PSD3: variants seen among roughly 807,000 people sequenced by gnomAD.
PSD3 encodes the protein PH and SEC7 domain-containing protein 3.
PSD3 carries 49 observed loss-of-function variants against 105.5 expected under a neutral mutation model. The ratio of observed to expected loss-of-function variants is 0.46; its 90% CI spans 0.37 to 0.59. PSD3 has a LOEUF of 0.59. Ranked by LOEUF, PSD3 falls within the 20% of genes least tolerant of loss-of-function variation. The pLI, the probability that PSD3 is intolerant of heterozygous loss-of-function variation, is 0.00. For missense variants in PSD3, 1,561 were observed against 1,263.8 expected, an observed-to-expected ratio of 1.24 and a Z score of -3.57; for synonymous variants, 557 against 457.8, an observed-to-expected ratio of 1.22 and a Z score of -2.77.
rs71218923 is a variant in PSD3, at chr8:19,073,798, C to CT, written c.324+10407dup. On this transcript the variant is annotated intron_variant, in intron 1 of 1. Transcript: ENST00000521475. ...ATCAGAATTGTGTTTTTTTCTTTTT[C>CT]TTTTTTTTTTGAGACAGAATCTCGC... Among the ~76,000 whole-genome samples, 95 of 145,392 alleles carry CT rather than the reference C, an allele frequency of 6.5e-4. 1 individual carries two copies. Among genetic ancestry groups the CT allele is most frequent in the Admixed American group, 1.2e-3 (17 of 14,608 alleles).
intron 4 of PSD3, among the ~76,000 whole-genome samples, chr8:18,831,419 C>A (rs1262440004): frequency 6.6e-6 from 1 of 152,090 alleles, no homozygotes; most frequent in African/African-American, 2.4e-5. Context: ...CAAGGTCAAC[C>A]CTCAGTTCAA....
At chr8:18,746,447 C>T (rs1420062854) in intron 9 of PSD3, among the ~76,000 whole-genome samples, 1 of 152,126 alleles carries the variant, frequency 6.6e-6, no homozygotes, top group Non-Finnish European at 1.5e-5. Flanking sequence ...TCGGAAACAC[C>T]AAACAAAGGT....
intron 10 of PSD3, among the ~76,000 whole-genome samples, chr8:18,634,550 A>G (rs1475827262): frequency 6.6e-6 from 1 of 152,146 alleles, no homozygotes; most frequent in Non-Finnish European, 1.5e-5. Context: ...GATCCTATCC[A>G]TGATCCCACA....
chr8:18,894,013 C>T (rs6998438), intron 2 of PSD3, among the ~76,000 whole-genome samples: 7,291 of 152,250 alleles, frequency 0.048, 211 homozygotes, highest in South Asian at 0.083. Flanking sequence ...CACACCGGTG[C>T]GGTGGCAAAT....
intron 15 of PSD3, among the ~76,000 whole-genome samples, chr8:18,555,951 C>T (rs962355886): frequency 1.3e-5 from 2 of 152,136 alleles, no homozygotes; most frequent in Non-Finnish European, 2.9e-5. Context: ...CCCCTCACAG[C>T]GGGCGCACAC....
intron 10 of PSD3, among the ~76,000 whole-genome samples, chr8:18,652,609 C>T (rs1294174750): frequency 1.5e-4 from 22 of 150,022 alleles, no homozygotes; most frequent in Admixed American, 8.0e-4. Flanking sequence ...GCAATTCTCC[C>T]GCCTCAGCCT....
intron 2 of PSD3, among the ~76,000 whole-genome samples, chr8:18,918,090 T>C (rs1586421501): frequency 1.3e-5 from 2 of 152,126 alleles, no homozygotes; most frequent in Admixed American, 1.3e-4. Context: ...TTTAAAAAAT[T>C]AATAAAATAC....
At chr8:18,943,945 G>A (rs1452778197) in intron 1 of PSD3, among the ~76,000 whole-genome samples, 1 of 151,764 alleles carries the variant, frequency 6.6e-6, no homozygotes, top group Non-Finnish European at 1.5e-5. Flanking sequence ...GACCAAGAAG[G>A]AAAACCTACA....
intron 9 of PSD3, among the ~76,000 whole-genome samples, chr8:18,727,059 C>T (rs1021195212): frequency 6.6e-6 from 1 of 151,890 alleles, no homozygotes; most frequent in Non-Finnish European, 1.5e-5. Context: ...CCAGGCAGGC[C>T]AGGCGCAGTG....
chr8:18,601,576 C>A (rs1804443378), intron 11 of PSD3, among the ~76,000 whole-genome samples: 2 of 152,176 alleles, frequency 1.3e-5, no homozygotes, highest in South Asian at 4.1e-4. Context: ...GAGATATCCA[C>A]CTGGCAAGAA....
chr8:18,853,729 A>G (rs1346255055), intron 4 of PSD3, among the ~76,000 whole-genome samples: 1 of 152,178 alleles, frequency 6.6e-6, no homozygotes, highest in Non-Finnish European at 1.5e-5. Context: ...ACCCCACTAC[A>G]TGACTAAGCT....
chr8:18,831,479 T>A (rs557555279), intron 4 of PSD3, among the ~76,000 whole-genome samples: 33 of 152,316 alleles, frequency 2.2e-4, no homozygotes, highest in African/African-American at 7.7e-4. Flanking sequence ...CCCAGCACTT[T>A]GGGAGGCCGA....
intron 2 of PSD3, among the ~76,000 whole-genome samples, chr8:18,900,142 C>T (rs1474962692): frequency 1.3e-5 from 2 of 152,126 alleles, no homozygotes; most frequent in Non-Finnish European, 2.9e-5. Flanking sequence ...TTTTTTAAGG[C>T]AAATCTCTTT....
In PSD3 at chr8:19,052,345, G is replaced by A. The variant is rs560854359; in HGVS notation, c.324+31861C>T. Among the ~76,000 whole-genome samples the A allele has an allele frequency of 7.2e-5, 11 of 151,886 alleles. No homozygotes were observed. In the East Asian group the frequency reaches 1.6e-3, roughly 21 times the overall value. ...ACATTAGCCAGGTGTGGTGACATGCGCCTGTAGTCCCAGCTACTCAGGAGG... is the reference window on the plus strand; with the variant it reads ...ACATTAGCCAGGTGTGGTGACATGCACCTGTAGTCCCAGCTACTCAGGAGG... On this transcript the variant is annotated intron_variant, in intron 1 of 1. Transcript: ENST00000521475.
intron 4 of PSD3, chr8:18,808,717 T>A: frequency 6.2e-7 from 1 of 1,613,826 alleles, no homozygotes; most frequent in Admixed American, 1.7e-5. Context: ...TCCTTTTAAA[T>A]CAGAAAGCTT....
rs916785667 is a variant in PSD3, at chr8:18,645,804, C to A, written c.2216+9838G>T. On this transcript the variant is annotated intron_variant, in intron 10 of 15. Transcript: ENST00000327040. ...CTCAAGTGGAGAACTGAGTTTTATT[C>A]CTTCTGTTTCTCCCAACAATAAATG... Among the ~76,000 whole-genome samples the A allele has an allele frequency of 7.9e-5, 12 of 152,168 alleles. No homozygotes were observed. In the East Asian group the frequency reaches 2.3e-3, roughly 29 times the overall value.
At chr8:19,069,884 C>T (rs1358434357) in intron 1 of PSD3, among the ~76,000 whole-genome samples, 9 of 152,052 alleles carry the variant, frequency 5.9e-5, no homozygotes, top group Non-Finnish European at 8.8e-5. Context: ...CCCAATATTG[C>T]TATTTTTAGT....
At chr8:18,966,747 A>G (rs1824279154) in intron 1 of PSD3, among the ~76,000 whole-genome samples, 1 of 152,174 alleles carries the variant, frequency 6.6e-6, no homozygotes, top group South Asian at 2.1e-4. Flanking sequence ...ACCAACGGGC[A>G]CATCTTCTTG....
intron 2 of PSD3, among the ~76,000 whole-genome samples, chr8:18,905,072 A>C (rs930781352): frequency 1.3e-5 from 2 of 152,172 alleles, no homozygotes; most frequent in Admixed American, 6.5e-5. Flanking sequence ...AAATTAAAAA[A>C]CTGAGGCGAG....
Sources: allele counts gnomAD v4.1 joint callset (sites outside exome capture counted in the v4.1 genomes callset), GRCh38; gene constraint gnomAD v4.1.1; transcripts MANE v1.5; gene names NCBI Gene and HGNC (gene_info 2026-07-23, HGNC 2026-07-21).